Variants in ATP13A1 observed in about 807,000 individuals in gnomAD.
ATP13A1 encodes ATPase 13A1, also known as endoplasmic reticulum transmembrane helix translocase.
Under a neutral mutation model 134.8 loss-of-function variants are expected in ATP13A1, and 55 were observed. The observed-to-expected ratio is 0.41, with a 90% CI of 0.33 to 0.51. ATP13A1 has a LOEUF of 0.51. Among genes scored for constraint, ATP13A1 ranks in the 20% least tolerant of loss-of-function variants. ATP13A1 has a pLI of 0.29. For synonymous variants in ATP13A1, 775 were observed against 725.1 expected, an observed-to-expected ratio of 1.07 and a Z score of -1.10; for missense variants, 1,389 against 1,652.8, an observed-to-expected ratio of 0.84 and a Z score of 2.77.
Position 19,657,016 on chromosome 19 carries a change from C to T in ATP13A1, c.884G>A (p.Gly295Asp). Residue 295 changes from glycine (G) to aspartate (D), a missense_variant, in exon 5 of 26, where the codon GGC becomes GAC. Physicochemically the swap from Gly to Asp is moderately conservative, Grantham distance 94 (BLOSUM62 -1). Around this residue, in one of 4 missense-constraint regions of ATP13A1, gnomAD observed 747 missense variants for 956.1 expected, o/e 0.78. Coordinates refer to ENST00000357324, the MANE Select transcript of ATP13A1 (RefSeq NM_020410.3). ...MRNMSEIRKMGNKPHMIQVYR... is the reference protein window; with the variant it reads ...MRNMSEIRKMDNKPHMIQVYR... The stretch of plus-strand genomic sequence containing the variant: ...CACCTGGATCATGTGGGGCTTGTTG[C>T]CCATCTTCCGGATCTCCGACATGTT... 1.3e-6 allele frequency: 2 copies of T among 1,584,212 alleles called. No homozygotes were observed. The highest frequency in any genetic ancestry group is 1.1e-5 in the South Asian group (1 of 86,984).
Position 19,663,515 on chromosome 19 carries a change from G to A in ATP13A1, c.152C>T (p.Ala51Val), listed in dbSNP as rs1227852931. The change falls in exon 1 of 26, where the codon GCT (alanine) becomes GTT (valine). Residue 51 changes from alanine (A) to valine (V), a missense_variant. Ala to Val is a moderately conservative substitution (Grantham distance 64). This residue lies in a region of ATP13A1 where 293 missense variants were observed against 270.8 expected (regional missense o/e 1.08). Coordinates refer to ENST00000357324, the MANE Select transcript of ATP13A1 (RefSeq NM_020410.3). ...ALIANGDELV[A>V]AVWPYRRLAL... ...CAACCGCCGGTACGGCCACACGGCA[G>A]CCACCAGCTCGTCACCGTTCGCTAT... The A allele has an allele frequency of 1.3e-6, 2 of 1,533,468 alleles. No homozygotes were observed. Among genetic ancestry groups the A allele is most frequent in the South Asian group, 2.4e-5 (2 of 83,824 alleles). The allele number at this position is 1,533,468 out of a possible 1,614,324, so 95.0% of individuals were successfully genotyped here.
In ATP13A1 at chr19:19,654,145, C is replaced by A; in HGVS notation, c.1814-1G>T. ...ATACTTCGGGGGAATACTTTCTCAT[C>A]TGGAAACAAATAAGTACGAGTCCTG... On this transcript the variant is annotated splice_acceptor_variant, in intron 13 of 25. Coordinates refer to ENST00000357324, the MANE Select transcript of ATP13A1 (RefSeq NM_020410.3). LOFTEE classifies it high-confidence loss of function. 1 of 1,582,772 alleles carries A rather than the reference C, an allele frequency of 6.3e-7. No homozygotes were observed. Among genetic ancestry groups the A allele is most frequent in the Non-Finnish European group, 8.6e-7 (1 of 1,164,542 alleles).
At position 19,656,151 on chromosome 19, in the gene ATP13A1, C is replaced by T. The variant is rs375924027; in HGVS notation, c.1116G>A (p.Val372=). 6.2e-6 allele frequency: 10 copies of T among 1,613,352 alleles called. No homozygotes were observed. The African/African-American group carries it at 1.1e-4, about 17-fold the overall frequency. Reference sequence around the variant, plus strand: ...GCCGGGAATCAGCCTGGAGGTCCAGCACCCGGTCTGGGCTGAGGTCTTCGA... The same window carrying T: ...GCCGGGAATCAGCCTGGAGGTCCAGTACCCGGTCTGGGCTGAGGTCTTCGA... ...EPIEDLSPDR[V]LDLQADSRLH... is the part of the protein sequence containing the mutation. The change falls in exon 8 of 26, where the codon GTG becomes GTA. Residue 372 remains valine, a synonymous_variant. Transcript: ENST00000357324. This position sits in a 1 kb window ranked among gnomAD's most constrained non-coding sequence, Gnocchi z 4.6.
At position 19,645,874 on chromosome 19, in the gene ATP13A1, T is replaced by G. The variant is rs2061981981; in HGVS notation, c.3360A>C (p.Lys1120Asn). 9.3e-6 allele frequency: 15 copies of G among 1,613,816 alleles called. No homozygotes were observed. Among genetic ancestry groups the G allele is most frequent in the Non-Finnish European group, 1.3e-5 (15 of 1,179,850 alleles). ...TGTTTGGGCAGGGCCCAGGCCTTACTTTGTAATTGATGGCGAAGGTGGCCA... is the reference window on the plus strand; with the variant it reads ...TGTTTGGGCAGGGCCCAGGCCTTACGTTGTAATTGATGGCGAAGGTGGCCA... ...MQMATFAINY[K>N]GPPFMESLPE... is the part of the protein sequence containing the mutation. Residue 1120 changes from lysine to asparagine, a missense_variant and splice_region_variant, in exon 24 of 26, where the codon AAA becomes AAC. Coordinates refer to ENST00000357324, the MANE Select transcript of ATP13A1 (RefSeq NM_020410.3). The surrounding 1 kb of genome is among the most constrained non-coding windows in gnomAD (Gnocchi z 4.1).
intron 19 of ATP13A1, among the ~76,000 whole-genome samples, chr19:19,648,626 T>G (rs906168973): frequency 6.6e-6 from 1 of 150,788 alleles, no homozygotes; most frequent in Non-Finnish European, 1.5e-5. Flanking sequence ...CTGGCCAACA[T>G]GGTGAAACCC....
rs2062107973 is a variant in ATP13A1 at position 19,663,512 on chromosome 19, G to A, written c.155C>T (p.Ala52Val). 2.6e-6 allele frequency: 4 copies of A among 1,533,422 alleles called. No individual in the cohort carries two copies. Among genetic ancestry groups the A allele is most frequent in the Non-Finnish European group, 3.5e-6 (4 of 1,145,592 alleles). The allele number at this position is 1,533,422 out of a possible 1,614,324, so 95.0% of individuals were successfully genotyped here. Reference sequence around the variant, plus strand: ...CGCCAACCGCCGGTACGGCCACACGGCAGCCACCAGCTCGTCACCGTTCGC... The same window carrying A: ...CGCCAACCGCCGGTACGGCCACACGACAGCCACCAGCTCGTCACCGTTCGC... ...LIANGDELVA[A>V]VWPYRRLALL... The change falls in exon 1 of 26, where the codon GCC becomes GTC. Residue 52 changes from alanine to valine, a missense_variant. Physicochemically the swap from Ala to Val is moderately conservative, Grantham distance 64. Around this residue, in one of 4 missense-constraint regions of ATP13A1, gnomAD observed 293 missense variants for 270.8 expected, o/e 1.08. Transcript: ENST00000357324.
chr19:19,651,795 C>G lies in ATP13A1; in HGVS notation c.2229G>C (p.Val743=). ...GCGGGTTGTCTCCCGTGATCATGAC[C>G]ACCTTGGGTAAAGAGGGGCAGAGGC... ...IREIQNASHR[V]VMITGDNPLT... Residue 743 remains valine, a splice_region_variant and synonymous_variant, in exon 17 of 26, where the codon GTG becomes GTC. Transcript: ENST00000357324. 2 of 1,611,462 alleles carry G rather than the reference C, an allele frequency of 1.2e-6. No homozygotes were observed. Among genetic ancestry groups the G allele is most frequent in the Non-Finnish European group, 1.7e-6 (2 of 1,178,640 alleles).
At chr19:19,652,125 C>T (rs1222595730) in intron 16 of ATP13A1, among the ~76,000 whole-genome samples, 1 of 152,132 alleles carries the variant, frequency 6.6e-6, no homozygotes, top group African/African-American at 2.4e-5. Context: ...GGACCATGAC[C>T]TCTGGGCTTG....
At position 19,645,202 on chromosome 19, in the gene ATP13A1, TA is replaced by T. The variant is rs1286031626; in HGVS notation, c.*219del. The T allele has an allele frequency of 1.7e-6, 1 of 583,384 alleles. No individual in the cohort carries two copies. The highest frequency in any genetic ancestry group is 3.1e-6 in the Non-Finnish European group (1 of 327,322). 36.1% of individuals were successfully genotyped at this position (583,384 alleles called of 1,614,324 possible). ...CAGACGAGGTGGAGGCAGGGCTTTT[TA>T]AAATCTCAGATGCTGCTTTATTTAC... On this transcript the variant is annotated 3_prime_UTR_variant, in exon 26 of 26. Coordinates refer to ENST00000357324, the MANE Select transcript of ATP13A1 (RefSeq NM_020410.3). This position sits in a 1 kb window ranked among gnomAD's most constrained non-coding sequence, Gnocchi z 4.1.
rs762002691 is a variant in ATP13A1, at chr19:19,663,617, G to A, written c.50C>T (p.Pro17Leu). The A allele has an allele frequency of 3.9e-4, 538 of 1,374,176 alleles. No homozygotes were observed. Among genetic ancestry groups the A allele is most frequent in the Admixed American group, 4.7e-4 (13 of 27,514 alleles). The allele number at this position is 1,374,176 out of a possible 1,614,324, so 85.1% of individuals were successfully genotyped here. ...VGNAVPCGAR[P>L]CGVRPDGQPK... ...CTGCCCGTCAGGCCGGACCCCGCAA[G>A]GCCGGGCCCCGCAGGGCACCGCGTT... Residue 17 changes from proline (P) to leucine (L), a missense_variant, in exon 1 of 26, where the codon CCT becomes CTT. By Grantham distance (98) the Pro-to-Leu change is moderately conservative. Coordinates refer to ENST00000357324, the MANE Select transcript of ATP13A1 (RefSeq NM_020410.3).
chr19:19,655,759 G>A lies in ATP13A1; in HGVS notation c.1270-105C>T. The A allele has an allele frequency of 6.5e-7, 1 of 1,537,740 alleles. No homozygotes were observed. Among genetic ancestry groups the A allele is most frequent in the South Asian group, 1.2e-5 (1 of 84,214 alleles). On this transcript the variant is annotated intron_variant, in intron 9 of 25. Coordinates refer to ENST00000357324, the MANE Select transcript of ATP13A1 (RefSeq NM_020410.3). This position sits in a 1 kb window ranked among gnomAD's most constrained non-coding sequence, Gnocchi z 5.7. ...GGGGTGGCCTCTGCACCCTGGCCCA[G>A]GTCCAGGGCCGTGCTGCCAGAGTCA...
chr19:19,660,037 T>A, intron 1 of ATP13A1, 50 bp from the exon 2 acceptor site: 1 of 1,508,042 alleles, frequency 6.6e-7, no homozygotes, highest in South Asian at 1.2e-5. Context: ...CAACCTACAG[T>A]TCCAAGACCC....
rs1374794028 is a variant in ATP13A1, at chr19:19,654,697, G to A, written c.1659C>T (p.Asp553=). The stretch of plus-strand genomic sequence containing the variant: ...TGGACACTGGGGTCACCTCCTTCCC[G>A]TCTCTGCAAGGTCGGGGAACAGCTG... ...LVVRGVAGLR[D]GKEVTPVSSI... Residue 553 remains aspartate, a synonymous_variant, in exon 13 of 26, where the codon GAC becomes GAT. Transcript: ENST00000357324. 44 of 1,610,854 alleles carry A rather than the reference G, an allele frequency of 2.7e-5. No individual in the cohort carries two copies. The highest frequency in any genetic ancestry group is 3.5e-5 in the Non-Finnish European group (41 of 1,178,976).
intron 23 of ATP13A1, 58 bp from the exon 24 acceptor site, chr19:19,646,043 G>A (rs73924833): frequency 6.2e-7 from 1 of 1,600,922 alleles, no homozygotes; most frequent in African/African-American, 1.3e-5. Flanking sequence ...CACACACTGT[G>A]TGGCTTCCTG....
At position 19,655,597 on chromosome 19, in the gene ATP13A1, C is replaced by G. The variant is rs1183736401; in HGVS notation, c.1327G>C (p.Glu443Gln). ...GVKRVTANNLETFIFILFLLV... is the reference protein window; with the variant it reads ...GVKRVTANNLQTFIFILFLLV... Reference sequence around the variant, plus strand: ...AGGAAGAGGATGAAGATGAAGGTCTCCAGGTTGTTCGCAGTCACCCTCTTG... The same window carrying G: ...AGGAAGAGGATGAAGATGAAGGTCTGCAGGTTGTTCGCAGTCACCCTCTTG... Residue 443 changes from glutamate (E) to glutamine (Q), a missense_variant, in exon 10 of 26, where the codon GAG becomes CAG. Physicochemically the swap from Glu to Gln is conservative, Grantham distance 29. This residue lies in a region of ATP13A1 where 747 missense variants were observed against 956.1 expected (regional missense o/e 0.78). Coordinates refer to ENST00000357324, the MANE Select transcript of ATP13A1 (RefSeq NM_020410.3). The surrounding 1 kb of genome is among the most constrained non-coding windows in gnomAD (Gnocchi z 5.7). The G allele has an allele frequency of 1.2e-6, 2 of 1,613,884 alleles. No individual in the cohort carries two copies.
Position 19,653,980 on chromosome 19 carries a change from G to A in ATP13A1, c.1978C>T (p.Leu660=), listed in dbSNP as rs1296496661. 72 of 1,595,780 alleles carry A rather than the reference G, an allele frequency of 4.5e-5. No homozygotes were observed. The highest frequency in any genetic ancestry group is 6.1e-5 in the Non-Finnish European group (71 of 1,171,766). Reference sequence around the variant, plus strand: ...TGGGGCCAGCTCACCATGGAGTGCAGAGTTTCGGGGGCCCCCTTCACGGCC... The same window carrying A: ...TGGGGCCAGCTCACCATGGAGTGCAAAGTTTCGGGGGCCCCCTTCACGGCC... ...IAAVKGAPET[L]HSMFSQCPPD... Residue 660 remains leucine (L), a synonymous_variant, in exon 14 of 26, where the codon CTG becomes TTG. Coordinates refer to ENST00000357324, the MANE Select transcript of ATP13A1 (RefSeq NM_020410.3). This position sits in a 1 kb window ranked among gnomAD's most constrained non-coding sequence, Gnocchi z 4.2.
Position 19,649,639 on chromosome 19 carries a change from C to A in ATP13A1, c.2560G>T (p.Glu854Ter), listed in dbSNP as rs755964028. 1 of 1,613,978 alleles carries A rather than the reference C, an allele frequency of 6.2e-7. No homozygotes were observed. The highest frequency in any genetic ancestry group is 1.7e-5 in the Admixed American group (1 of 60,014). Residue 854 changes from glutamate to a stop codon, truncating the protein, a stop_gained, in exon 19 of 26, where the codon GAG (glutamate) becomes TAG (stop). Coordinates refer to ENST00000357324, the MANE Select transcript of ATP13A1 (RefSeq NM_020410.3). LOFTEE classifies it high-confidence loss of function. ...CACATGAGGGTCACGTAGCCCAGCT[C>A]CTTCAGGCTGGTGATGACAAACTCC... ...QKEFVITSLK[E>*]LGYVTLMCGD...
chr19:19,656,200 T>C lies in ATP13A1; in HGVS notation c.1084-17A>G. ...GATGGGCTCCTGGGGAGGAAGATCGTGAATCTGGATGGCCAGGCCTACCTT... is the reference window on the plus strand; with the variant it reads ...GATGGGCTCCTGGGGAGGAAGATCGCGAATCTGGATGGCCAGGCCTACCTT... On this transcript the variant is annotated splice_polypyrimidine_tract_variant and intron_variant, in intron 7 of 25. Coordinates refer to ENST00000357324, the MANE Select transcript of ATP13A1 (RefSeq NM_020410.3). The surrounding 1 kb of genome is among the most constrained non-coding windows in gnomAD (Gnocchi z 4.6). 6.3e-7 allele frequency: 1 copy of C among 1,586,246 alleles called. No homozygotes were observed. The highest frequency in any genetic ancestry group is 2.2e-5 in the East Asian group (1 of 44,516).
Position 19,654,047 on chromosome 19 carries a change from G to A in ATP13A1, c.1911C>T (p.Ala637=), listed in dbSNP as rs752113503. 1.3e-6 allele frequency: 2 copies of A among 1,597,328 alleles called. No homozygotes were observed. The highest frequency in any genetic ancestry group is 1.7e-6 in the Non-Finnish European group (2 of 1,172,218). The change falls in exon 14 of 26, where the codon GCC becomes GCT. Residue 637 remains alanine, a synonymous_variant. Transcript: ENST00000357324. ...CGGTGGAGCCCAGCTTCTCATACGA[G>A]GCAAGCACGGACATTCGCTTCAGGG... ...ASALKRMSVL[A]SYEKLGSTDL...
Sources: gnomAD v4.1 joint callset for allele counts (sites outside exome capture counted in the v4.1 genomes callset) on GRCh38, gnomAD v4.1.1 for gene constraint, gnomAD v4.1.1 regional missense constraint, Gnocchi (gnomAD v3.1) non-coding constraint, MANE v1.5 for transcripts, NCBI Gene and HGNC (gene_info 2026-07-23, HGNC 2026-07-21) for gene names.